Variants in NCLN observed in about 807,000 individuals in gnomAD.
NCLN encodes nicalin, also known as BOS complex subunit NCLN.
In NCLN, 34 loss-of-function variants were observed where a neutral mutation model predicts 69.5. The ratio of observed to expected loss-of-function variants is 0.49; its 90% CI spans 0.37 to 0.65. The LOEUF (loss-of-function observed/expected upper bound fraction) is 0.65. Ranked by LOEUF, NCLN falls within the 30% of genes least tolerant of loss-of-function variation. NCLN has a pLI of 0.00. For synonymous variants in NCLN, 393 were observed against 358.3 expected, an observed-to-expected ratio of 1.10 and a Z score of -1.09; for missense variants, 710 against 804.8, an observed-to-expected ratio of 0.88 and a Z score of 1.42.
At chr19:3,193,462 G>T (rs1915883550) in intron 3 of NCLN, 34 bp downstream of exon 3, 1 of 1,562,394 alleles carries the variant, frequency 6.4e-7, no homozygotes, top group South Asian at 1.1e-5. Flanking sequence ...GGGCCCGTGG[G>T]CGTGGGTGTG....
chr19:3,193,668 G>T (rs933558095), intron 3 of NCLN, among the ~76,000 whole-genome samples: 1 of 152,252 alleles, frequency 6.6e-6, no homozygotes, highest in Non-Finnish European at 1.5e-5. Flanking sequence ...CTGGCTCTGT[G>T]CACACGAAAG....
rs563167057 is a variant in NCLN, at chr19:3,185,972, C to T, written c.-59C>T. The T allele has an allele frequency of 5.2e-5, 66 of 1,268,622 alleles. No individual in the cohort carries two copies. Among genetic ancestry groups the T allele is most frequent in the Non-Finnish European group, 6.5e-5 (64 of 982,836 alleles). 78.6% of individuals were successfully genotyped at this position (1,268,622 alleles called of 1,614,324 possible). A position where few individuals can be genotyped will look rare whatever the true frequency, so the allele number is the denominator to read the frequency against. The stretch of plus-strand genomic sequence containing the variant: ...CCATGCCGAGGTGAGTCCGCGGGAG[C>T]CGCCGCCGCCGCCGTCCCGTCCCAG... On this transcript the variant is annotated 5_prime_UTR_variant, in exon 1 of 15. Coordinates refer to ENST00000246117, the MANE Select transcript of NCLN (RefSeq NM_020170.4).
intron 3 of NCLN, among the ~76,000 whole-genome samples, chr19:3,195,852 T>G (rs907833740): frequency 3.3e-5 from 5 of 152,202 alleles, no homozygotes; most frequent in African/African-American, 1.2e-4. Context: ...GACTCAAAGT[T>G]GTGTGAACTC....
In NCLN at chr19:3,197,592, C is replaced by T. The variant is rs562433046; in HGVS notation, c.616-1225C>T. ...GAGTAGCTGGGATTACTGTCATGTGCCACCACGCCCAGCTAATCTTTTGTA... is the reference window on the plus strand; with the variant it reads ...GAGTAGCTGGGATTACTGTCATGTGTCACCACGCCCAGCTAATCTTTTGTA... On this transcript the variant is annotated intron_variant, in intron 4 of 14. Transcript: ENST00000246117. Among the ~76,000 whole-genome samples the T allele has an allele frequency of 2.6e-5, 4 of 152,004 alleles. No homozygotes were observed. The East Asian group carries it at 7.7e-4, about 29-fold the overall frequency.
Position 3,204,559 on chromosome 19 carries a change from G to A in NCLN, c.1030-14G>A, listed in dbSNP as rs200749859. The A allele has an allele frequency of 9.9e-6, 15 of 1,519,004 alleles. No homozygotes were observed. The highest frequency in any genetic ancestry group is 6.3e-5 in the Admixed American group (3 of 47,722). The allele number at this position is 1,519,004 out of a possible 1,614,324, so 94.1% of individuals were successfully genotyped here. A position where few individuals can be genotyped will look rare whatever the true frequency, so the allele number is the denominator to read the frequency against. ...TCCCCGCCTGCCCTCTGCTAATGGC[G>A]CCTCCGGCTGCAGGTGGCCGCGCAC... On this transcript the variant is annotated splice_polypyrimidine_tract_variant and intron_variant, in intron 8 of 14. Transcript: ENST00000246117.
chr19:3,201,472 T>A, intron 5 of NCLN, 51 bp from the exon 6 acceptor site: 1 of 1,350,378 alleles, frequency 7.4e-7, no homozygotes, highest in Non-Finnish European at 1.0e-6. Flanking sequence ...GGTCATGGGG[T>A]GCGGGAGCCG....
At position 3,198,698 on chromosome 19, in the gene NCLN, C is replaced by T. The variant is rs186591155; in HGVS notation, c.616-119C>T. The T allele has an allele frequency of 2.9e-5, 21 of 723,704 alleles. No homozygotes were observed. The Admixed American group carries it at 4.0e-4, about 14-fold the overall frequency. The allele number at this position is 723,704 out of a possible 1,614,324, so 44.8% of individuals were successfully genotyped here. ...CTCCTGTGGTCCTCAGTGCTGAGGC[C>T]GATGCTGGCACCCAGCGGACGGGCC... On this transcript the variant is annotated intron_variant, in intron 4 of 14. Coordinates refer to ENST00000246117, the MANE Select transcript of NCLN (RefSeq NM_020170.4).
Position 3,187,172 on chromosome 19 carries a change from C to G in NCLN, c.184+958C>G, listed in dbSNP as rs183422207. On this transcript the variant is annotated intron_variant, in intron 1 of 14. Transcript: ENST00000246117. ...CTTTCCAAATTCGCACCCCCTTGCC[C>G]TTGCATTCTGCAAGTCTCCCACTCA... 3.1e-3 allele frequency among the ~76,000 whole-genome samples: 472 copies of G among 152,328 alleles called. 1 individual carries two copies. The highest frequency in any genetic ancestry group is 4.1e-3 in the Non-Finnish European group (279 of 68,034).
chr19:3,191,214 G>A (rs1259734232), intron 1 of NCLN, among the ~76,000 whole-genome samples: 1 of 152,138 alleles, frequency 6.6e-6, no homozygotes, highest in East Asian at 1.9e-4. Flanking sequence ...CCTGAGCTGC[G>A]TCTTGTTGGG....
intron 5 of NCLN, 146 bp downstream of exon 5, chr19:3,199,043 G>A (rs1031705573): frequency 1.3e-5 from 7 of 525,378 alleles, no homozygotes; most frequent in African/African-American, 4.0e-5. Context: ...CCTGGTCCCC[G>A]CGAGGGCCTC....
chr19:3,188,060 G>A (rs1202636592), intron 1 of NCLN, among the ~76,000 whole-genome samples: 2 of 152,054 alleles, frequency 1.3e-5, no homozygotes, highest in African/African-American at 4.8e-5. Flanking sequence ...GCGTGCCTGC[G>A]GCTCTCATAG....
rs1916073648 is a variant in NCLN, at chr19:3,199,693, T to C, written c.696+796T>C. ...CAACCAGCACCCTGCCTCCTCCTTT[T>C]TTTTTTTTTTTTTTTTTTTTTTTAA... is the stretch of plus-strand genomic sequence containing the variant. On this transcript the variant is annotated intron_variant, in intron 5 of 14. Coordinates refer to ENST00000246117, the MANE Select transcript of NCLN (RefSeq NM_020170.4). Among the ~76,000 whole-genome samples, 4 of 89,616 alleles carry C rather than the reference T, an allele frequency of 4.5e-5. No homozygotes were observed. In the Admixed American group the frequency reaches 4.8e-4, roughly 11 times the overall value. The allele number at this position is 89,616 out of a possible 152,430, so 58.8% of individuals were successfully genotyped here.
At chr19:3,203,295 C>T (rs1000159681) in intron 6 of NCLN, among the ~76,000 whole-genome samples, 5 of 151,050 alleles carry the variant, frequency 3.3e-5, no homozygotes, top group Non-Finnish European at 7.4e-5. Flanking sequence ...GCAGAAAGAG[C>T]GAAACTCCGT....
intron 5 of NCLN, among the ~76,000 whole-genome samples, chr19:3,201,278 G>A (rs1295625944): frequency 1.3e-5 from 2 of 152,196 alleles, no homozygotes; most frequent in South Asian, 2.1e-4. Flanking sequence ...GCGGGGCCCC[G>A]CAGACCCCAG....
At position 3,204,742 on chromosome 19, in the gene NCLN, T is replaced by C. The variant is rs1207518143; in HGVS notation, c.1199T>C (p.Met400Thr). ...SHRDGQRSSI[M>T]DVRSRVDSKT... is the part of the protein sequence containing the mutation. ...CGTGACGGCCAGCGCAGCAGCATCA[T>C]GGACGTGCGGTGAGCGCGGCAGCAC... The change falls in exon 9 of 15, where the codon ATG (methionine) becomes ACG (threonine). Residue 400 changes from methionine to threonine, a missense_variant. Transcript: ENST00000246117. 1.3e-6 allele frequency: 2 copies of C among 1,545,120 alleles called. No homozygotes were observed. Among genetic ancestry groups the C allele is most frequent in the Non-Finnish European group, 1.7e-6 (2 of 1,145,096 alleles).
chr19:3,189,425 A>G (rs1197228033), intron 1 of NCLN, among the ~76,000 whole-genome samples: 1 of 152,152 alleles, frequency 6.6e-6, no homozygotes, highest in Non-Finnish European at 1.5e-5. Context: ...ATGCCCATCC[A>G]TTGGCATCTT....
chr19:3,198,919 C>A (rs372159042), intron 5 of NCLN, 22 bp downstream of exon 5: 59 of 1,412,350 alleles, frequency 4.2e-5, no homozygotes, highest in Non-Finnish European at 5.5e-5. Flanking sequence ...TGTCCCCATT[C>A]CCCCCACCCC....
At chr19:3,206,932 G>A (rs937736181) in intron 12 of NCLN, among the ~76,000 whole-genome samples, 5 of 152,006 alleles carry the variant, frequency 3.3e-5, no homozygotes, top group Admixed American at 2.6e-4. Context: ...AGTGATTCTC[G>A]GACCTCGGTC....
At position 3,205,847 on chromosome 19, in the gene NCLN, C is replaced by A; in HGVS notation, c.1209-92C>A. The A allele has an allele frequency of 2.7e-6, 3 of 1,105,702 alleles. No homozygotes were observed. Among genetic ancestry groups the A allele is most frequent in the South Asian group, 1.3e-5 (1 of 75,788 alleles). 68.5% of individuals were successfully genotyped at this position (1,105,702 alleles called of 1,614,324 possible). A position where few individuals can be genotyped will look rare whatever the true frequency, so the allele number is the denominator to read the frequency against. Reference sequence around the variant, plus strand: ...TTTTTTAAAGACAGAGTCTCACGGTCTCCTAGGCTGGAGTGCTGGGATTAC... The same window carrying A: ...TTTTTTAAAGACAGAGTCTCACGGTATCCTAGGCTGGAGTGCTGGGATTAC... On this transcript the variant is annotated intron_variant, in intron 9 of 14. Transcript: ENST00000246117. The surrounding 1 kb of genome is among the most constrained non-coding windows in gnomAD (Gnocchi z 4.6).
Sources: gnomAD v4.1 joint callset for allele counts (sites outside exome capture counted in the v4.1 genomes callset) on GRCh38, gnomAD v4.1.1 for gene constraint, Gnocchi (gnomAD v3.1) non-coding constraint, MANE v1.5 for transcripts, NCBI Gene and HGNC (gene_info 2026-07-23, HGNC 2026-07-21) for gene names.